Variants in GRIK1 observed in about 807,000 individuals in gnomAD.
The protein encoded by GRIK1 is glutamate receptor ionotropic, kainate 1.
Under a neutral mutation model 105.7 loss-of-function variants are expected in GRIK1, and 69 were observed. That is an observed-to-expected ratio of 0.65 (90% confidence interval 0.54 to 0.80). GRIK1 has a LOEUF of 0.80. Among genes scored for constraint, GRIK1 ranks in the 30% least tolerant of loss-of-function variants. GRIK1 has a pLI of 0.00. For synonymous variants in GRIK1, 438 were observed against 431.3 expected, an observed-to-expected ratio of 1.02 and a Z score of -0.19; for missense variants, 1,109 against 1,167.3, an observed-to-expected ratio of 0.95 and a Z score of 0.73.
intron 1 of GRIK1, among the ~76,000 whole-genome samples, chr21:29,779,856 T>A (rs956408839): frequency 6.6e-6 from 1 of 152,110 alleles, no homozygotes; most frequent in Non-Finnish European, 1.5e-5. Flanking sequence ...ATGTAGATAG[T>A]GAGATTGGTG....
At chr21:29,560,290 T>TCTTC (rs2090363770) in intron 15 of GRIK1, among the ~76,000 whole-genome samples, 1 of 77,132 alleles carries the variant, frequency 1.3e-5, no homozygotes, top group African/African-American at 6.0e-5. Flanking sequence ...TTTCTTTCTT[T>TCTTC]CTTTCTTTCT....
At chr21:29,808,076 C>G (rs1474333837) in intron 1 of GRIK1, among the ~76,000 whole-genome samples, 1 of 152,116 alleles carries the variant, frequency 6.6e-6, no homozygotes. Flanking sequence ...AGATTTCCTA[C>G]TGAGAATGAT....
chr21:29,539,897 C>G lies in GRIK1; in HGVS notation c.2608-2013G>C, dbSNP rs114058967. ...ATATCTGGACTGCCCAAACCAAGAG[C>G]TTTCATGAGAAATCATCTACACATT... is the stretch of plus-strand genomic sequence containing the variant. On this transcript the variant is annotated intron_variant, in intron 16 of 17. Transcript: ENST00000327783. Among the ~76,000 whole-genome samples the G allele has an allele frequency of 6.7e-3, 1,010 of 151,866 alleles. 8 individuals are homozygous for G. Among genetic ancestry groups the G allele is most frequent in the African/African-American group, 0.022 (924 of 41,406 alleles).
chr21:29,758,582 C>T (rs1183404659), intron 1 of GRIK1, among the ~76,000 whole-genome samples: 1 of 152,096 alleles, frequency 6.6e-6, no homozygotes, highest in African/African-American at 2.4e-5. Flanking sequence ...CACAGCCAAA[C>T]CATATCACAG....
At chr21:29,809,155 T>C (rs923218788) in intron 1 of GRIK1, among the ~76,000 whole-genome samples, 1 of 152,198 alleles carries the variant, frequency 6.6e-6, no homozygotes, top group African/African-American at 2.4e-5. Context: ...TAATTTTATC[T>C]AATATTTAAA....
At chr21:29,916,299 A>G (rs1328875032) in intron 1 of GRIK1, among the ~76,000 whole-genome samples, 2 of 151,960 alleles carry the variant, frequency 1.3e-5, no homozygotes, top group Admixed American at 6.6e-5. Flanking sequence ...ACCCCTGGGC[A>G]CAGAATAGAC....
At chr21:29,713,811 G>A (rs1473416574) in intron 1 of GRIK1, among the ~76,000 whole-genome samples, 1 of 152,196 alleles carries the variant, frequency 6.6e-6, no homozygotes, top group East Asian at 1.9e-4. Flanking sequence ...TGGAAATACA[G>A]CTGAACTTTT....
At chr21:29,705,503 A>G (rs2063887822) in intron 1 of GRIK1, among the ~76,000 whole-genome samples, 2 of 152,256 alleles carry the variant, frequency 1.3e-5, no homozygotes, top group African/African-American at 2.4e-5. Context: ...TGTCTTAAGA[A>G]ACACTTTTTG....
At chr21:29,797,867 C>T (rs1041858799) in intron 1 of GRIK1, among the ~76,000 whole-genome samples, 1 of 152,156 alleles carries the variant, frequency 6.6e-6, no homozygotes, top group African/African-American at 2.4e-5. Context: ...CCAATCATCC[C>T]TTTATTATTG....
At chr21:29,842,540 A>G (rs539015211) in intron 1 of GRIK1, among the ~76,000 whole-genome samples, 1 of 152,294 alleles carries the variant, frequency 6.6e-6, no homozygotes, top group Admixed American at 6.5e-5. Flanking sequence ...AAGAACATGC[A>G]TTCATTATTT....
rs553727279 is a variant in GRIK1, at chr21:29,755,882, G to A, written c.119-61819C>T. Among the ~76,000 whole-genome samples, 51 of 152,244 alleles carry A rather than the reference G, an allele frequency of 3.3e-4. No individual in the cohort carries two copies. In the South Asian group the frequency reaches 0.01, roughly 31 times the overall value. On this transcript the variant is annotated intron_variant, in intron 1 of 17. Transcript: ENST00000327783. ...GTCATGAATTGAGTAAAAAGGTTCG[G>A]ATAACATTTTACCAGGAGCTGGCTT...
intron 7 of GRIK1, among the ~76,000 whole-genome samples, chr21:29,631,830 TA>T (rs2146485164): frequency 6.6e-6 from 1 of 152,348 alleles, no homozygotes; most frequent in African/African-American, 2.4e-5. Flanking sequence ...ATGTGGCTAC[TA>T]AAAACTCTAA....
intron 1 of GRIK1, among the ~76,000 whole-genome samples, chr21:29,848,779 A>ATACATAT: frequency 6.4e-5 from 5 of 77,866 alleles, no homozygotes; most frequent in Non-Finnish European, 8.9e-5. Flanking sequence ...ATATATATAT[A>ATACATAT]TTTTTTTTTT....
Position 29,676,659 on chromosome 21 carries a change from G to A in GRIK1, c.545-3495C>T, listed in dbSNP as rs573296081. Among the ~76,000 whole-genome samples the A allele has an allele frequency of 2.0e-5, 3 of 152,236 alleles. No homozygotes were observed. The East Asian group carries it at 5.8e-4, about 29-fold the overall frequency. On this transcript the variant is annotated intron_variant, in intron 3 of 17. Transcript: ENST00000327783. ...AGTGAATGGTGAAGGTGCATGTAAT[G>A]CTGATAACGTGAATTTTTTTCTAGC...
At chr21:29,920,201 TGG>T (rs986354464) in intron 1 of GRIK1, among the ~76,000 whole-genome samples, 3 of 152,162 alleles carry the variant, frequency 2.0e-5, no homozygotes, top group Non-Finnish European at 4.4e-5. Context: ...ATTTTATCTT[TGG>T]GGGAGATAGC....
intron 1 of GRIK1, among the ~76,000 whole-genome samples, chr21:29,792,786 G>C (rs9977478): frequency 6.6e-6 from 1 of 152,154 alleles, no homozygotes; most frequent in Non-Finnish European, 1.5e-5. Flanking sequence ...ATGCGACTTA[G>C]TATGAAAGTG....
intron 16 of GRIK1, among the ~76,000 whole-genome samples, chr21:29,541,440 TATG>T (rs2089967420): frequency 6.6e-6 from 1 of 152,176 alleles, no homozygotes; most frequent in Non-Finnish European, 1.5e-5. Context: ...ATAGAACTAT[TATG>T]ATAATTCAAT....
intron 1 of GRIK1, among the ~76,000 whole-genome samples, chr21:29,847,905 TCTCTCTCTCC>T (rs1454228419): frequency 1.3e-5 from 2 of 151,940 alleles, no homozygotes; most frequent in African/African-American, 2.4e-5. Context: ...TCTCTTTCTC[TCTCTCTCTCC>T]CTCTCTCTCT....
intron 1 of GRIK1, among the ~76,000 whole-genome samples, chr21:29,895,268 A>G (rs1265503828): frequency 6.6e-6 from 1 of 152,160 alleles, no homozygotes; most frequent in African/African-American, 2.4e-5. Flanking sequence ...GAAGAGAATG[A>G]GTGTATTTCT....
Sources: gnomAD v4.1 joint callset for allele counts (sites outside exome capture counted in the v4.1 genomes callset) on GRCh38, gnomAD v4.1.1 for gene constraint, MANE v1.5 for transcripts, NCBI Gene and HGNC (gene_info 2026-07-23, HGNC 2026-07-21) for gene names.